CRTAC1: variants seen among roughly 807,000 people sequenced by gnomAD.
CRTAC1 encodes the protein acidic secreted protein in cartilage.
Under a neutral mutation model 67.8 loss-of-function variants are expected in CRTAC1, and 37 were observed. The ratio of observed to expected loss-of-function variants is 0.55; its 90% CI spans 0.42 to 0.72. CRTAC1 has a LOEUF of 0.72. Ranked by LOEUF, CRTAC1 falls within the 30% of genes least tolerant of loss-of-function variation. The pLI is 0.00. For synonymous variants in CRTAC1, 348 were observed against 371.0 expected (o/e 0.94, Z 0.71); for missense variants, 780 against 931.6 (o/e 0.84, Z 2.12).
chr10:97,993,705 T>C (rs1020920868), intron 2 of CRTAC1, among the ~76,000 whole-genome samples: 3 of 152,234 alleles, frequency 2.0e-5, no homozygotes, highest in African/African-American at 7.2e-5. Context: ...CATCCACCCA[T>C]AAGACCCTTG....
At chr10:97,934,064 AGATGCTCTGT>A (rs2051044084) in intron 3 of CRTAC1, among the ~76,000 whole-genome samples, 1 of 152,196 alleles carries the variant, frequency 6.6e-6, no homozygotes, top group South Asian at 2.1e-4. Context: ...CTGCCACTGC[AGATGCTCTGT>A]GCTTGGTGAA....
In CRTAC1 at chr10:98,029,248, C is replaced by A. The variant is rs927923815; in HGVS notation, c.24+1201G>T. On this transcript the variant is annotated intron_variant, in intron 1 of 14. Coordinates refer to ENST00000370597, the MANE Select transcript of CRTAC1 (RefSeq NM_018058.7). This position sits in a 1 kb window ranked among gnomAD's most constrained non-coding sequence, Gnocchi z 4.7. ...CTCCAGCCCCAAGTCGTCTGGGTTC[C>A]AAATCTCCGTCAATCGCTTATCTCT... Among the ~76,000 whole-genome samples the A allele has an allele frequency of 3.3e-5, 5 of 152,160 alleles. No homozygotes were observed. Among genetic ancestry groups the A allele is most frequent in the African/African-American group, 1.2e-4 (5 of 41,442 alleles).
At chr10:97,881,088 C>T (rs1350306554) in intron 13 of CRTAC1, among the ~76,000 whole-genome samples, 3 of 152,188 alleles carry the variant, frequency 2.0e-5, no homozygotes, top group African/African-American at 4.8e-5. Flanking sequence ...CCTGGCTTCC[C>T]CTCTTCCCTC....
chr10:97,943,579 T>C (rs1354571759), intron 2 of CRTAC1, among the ~76,000 whole-genome samples: 3 of 152,280 alleles, frequency 2.0e-5, no homozygotes, highest in African/African-American at 7.2e-5. Context: ...TCTCATTTTA[T>C]AGATACACAA....
intron 2 of CRTAC1, among the ~76,000 whole-genome samples, chr10:98,008,983 G>A (rs1032043389): frequency 1.3e-5 from 2 of 152,176 alleles, no homozygotes; most frequent in Admixed American, 6.5e-5. Context: ...CTGGGAGTCA[G>A]TTTGGGTATG....
chr10:98,009,656 C>T (rs963153986), intron 2 of CRTAC1, among the ~76,000 whole-genome samples: 1 of 152,220 alleles, frequency 6.6e-6, no homozygotes. Flanking sequence ...AAGCTTTCTA[C>T]TGTTACATGC....
At chr10:97,983,487 A>G (rs2051931003) in intron 2 of CRTAC1, among the ~76,000 whole-genome samples, 1 of 149,048 alleles carries the variant, frequency 6.7e-6, no homozygotes, top group African/African-American at 2.6e-5. Context: ...TGCCAAAAGT[A>G]GAGATTCTCC....
At chr10:97,901,412 C>A (rs1046664990) in intron 8 of CRTAC1, 91 bp downstream of exon 8, 6 of 1,536,476 alleles carry the variant, frequency 3.9e-6, no homozygotes, top group Non-Finnish European at 5.3e-6. Context: ...CCCTGGGAAC[C>A]CTCCCCTTCT....
chr10:97,948,490 G>T (rs2051299478), intron 2 of CRTAC1, among the ~76,000 whole-genome samples: 1 of 152,142 alleles, frequency 6.6e-6, no homozygotes, highest in Admixed American at 6.5e-5. Context: ...GTTAAGCAAG[G>T]GTTTCACCAA....
In CRTAC1 at chr10:97,975,247, G is replaced by A. The variant is rs1347024950; in HGVS notation, c.224+35891C>T. Among the ~76,000 whole-genome samples, 1 of 152,162 alleles carries A rather than the reference G, an allele frequency of 6.6e-6. No homozygotes were observed. Among genetic ancestry groups the A allele is most frequent in the Non-Finnish European group, 1.5e-5 (1 of 68,020 alleles). The stretch of plus-strand genomic sequence containing the variant: ...TCTTGGCTCAATCCCAGGTCGCAGA[G>A]GGACCCGGGGCCCGGCTGACTGATG... On this transcript the variant is annotated intron_variant, in intron 2 of 14. Coordinates refer to ENST00000370597, the MANE Select transcript of CRTAC1 (RefSeq NM_018058.7). The surrounding 1 kb of genome is among the most constrained non-coding windows in gnomAD (Gnocchi z 4.8).
At chr10:97,933,902 A>G (rs576269983) in intron 3 of CRTAC1, among the ~76,000 whole-genome samples, 1 of 152,222 alleles carries the variant, frequency 6.6e-6, no homozygotes, top group South Asian at 2.1e-4. Flanking sequence ...TTCTGATGGG[A>G]TTGACTGGAG....
intron 2 of CRTAC1, among the ~76,000 whole-genome samples, chr10:98,004,751 A>G (rs775241283): frequency 6.6e-6 from 1 of 152,128 alleles, no homozygotes; most frequent in Non-Finnish European, 1.5e-5. Context: ...CATATTATGC[A>G]GTGAAAAAAA....
intron 12 of CRTAC1, 58 bp from the exon 13 acceptor site, chr10:97,882,886 C>A: frequency 6.4e-7 from 1 of 1,560,168 alleles, no homozygotes; most frequent in South Asian, 1.1e-5. Flanking sequence ...ATCCCAGGTT[C>A]CCTCCTAGTC....
chr10:97,948,902 T>A (rs910036864), intron 2 of CRTAC1, among the ~76,000 whole-genome samples: 7 of 151,948 alleles, frequency 4.6e-5, no homozygotes, highest in African/African-American at 1.7e-4. Flanking sequence ...GAGCAAGGAG[T>A]GGGGGAAAGC....
intron 2 of CRTAC1, among the ~76,000 whole-genome samples, chr10:97,956,929 C>T (rs576341353): frequency 6.6e-6 from 1 of 152,014 alleles, no homozygotes; most frequent in Non-Finnish European, 1.5e-5. Flanking sequence ...ACCTCAGCCT[C>T]CCAGGTGTTT....
chr10:97,910,922 C>G (rs116134602), intron 5 of CRTAC1, among the ~76,000 whole-genome samples: 2 of 152,218 alleles, frequency 1.3e-5, no homozygotes, highest in Non-Finnish European at 2.9e-5. Flanking sequence ...AATGAAGCCA[C>G]TGAATTCACA....
At chr10:97,890,067 CT>C (rs1323371739) in intron 11 of CRTAC1, among the ~76,000 whole-genome samples, 2 of 150,218 alleles carry the variant, frequency 1.3e-5, no homozygotes, top group African/African-American at 4.9e-5. Context: ...TATGCACAGA[CT>C]TGGTATGCTG....
intron 2 of CRTAC1, among the ~76,000 whole-genome samples, chr10:98,008,453 C>T (rs1045467507): frequency 5.9e-5 from 9 of 151,876 alleles, no homozygotes; most frequent in Admixed American, 3.3e-4. Context: ...AACGGGTCTC[C>T]TGCAACAGCC....
chr10:97,922,206 C>G (rs1307549709), intron 4 of CRTAC1, among the ~76,000 whole-genome samples: 2 of 152,188 alleles, frequency 1.3e-5, no homozygotes, highest in Non-Finnish European at 2.9e-5. Context: ...TCCCACCAGG[C>G]AGGAGTCCAG....
Sources: allele counts gnomAD v4.1 joint callset (sites outside exome capture counted in the v4.1 genomes callset), GRCh38; gene constraint gnomAD v4.1.1; non-coding constraint Gnocchi (gnomAD v3.1); transcripts MANE v1.5; gene names NCBI Gene and HGNC (gene_info 2026-07-23, HGNC 2026-07-21).